CCDC91: variants seen among roughly 807,000 people sequenced by gnomAD.
CCDC91 encodes coiled-coil domain containing 91.
Under a neutral mutation model 63.2 loss-of-function variants are expected in CCDC91, and 48 were observed. The ratio of observed to expected loss-of-function variants is 0.76; its 90% confidence interval spans 0.60 to 0.97. The LOEUF (loss-of-function observed/expected upper bound fraction) is 0.97. Among genes scored for constraint, CCDC91 ranks in the 50% least tolerant of loss-of-function variants. CCDC91 has a pLI of 0.00. For synonymous variants in CCDC91, 167 were observed against 165.8 expected, an observed-to-expected ratio of 1.01 and a Z score of -0.06; for missense variants, 500 against 494.6, an observed-to-expected ratio of 1.01 and a Z score of -0.10.
chr12:28,252,285 C>A (rs1168273597), intron 1 of CCDC91, among the ~76,000 whole-genome samples: 2 of 151,730 alleles, frequency 1.3e-5, no homozygotes. Context: ...AGTTGATATA[C>A]CCATTACTGG....
chr12:28,345,881 C>T (rs534350566), intron 6 of CCDC91, among the ~76,000 whole-genome samples: 9 of 152,186 alleles, frequency 5.9e-5, no homozygotes, highest in African/African-American at 1.2e-4. Context: ...TCAGTCTTTA[C>T]AGTATAATGG....
chr12:28,201,353 T>G, intron 1 of CCDC91, among the ~76,000 whole-genome samples: 1 of 134,308 alleles, frequency 7.4e-6, no homozygotes, highest in African/African-American at 2.8e-5. Context: ...CCAGACGGGG[T>G]CGCGGCCAGG....
chr12:28,418,622 T>C (rs762415297), intron 8 of CCDC91, among the ~76,000 whole-genome samples: 6 of 152,124 alleles, frequency 3.9e-5, no homozygotes, highest in Non-Finnish European at 8.8e-5. Context: ...ATTATTATTA[T>C]GTTAATGGCA....
At chr12:28,422,305 C>G (rs1948062087) in intron 8 of CCDC91, among the ~76,000 whole-genome samples, 1 of 151,856 alleles carries the variant, frequency 6.6e-6, no homozygotes, top group African/African-American at 2.4e-5. Context: ...CCTTTTCATA[C>G]TAATATTTAT....
At position 28,375,719 on chromosome 12, in the gene CCDC91, T is replaced by G. The variant is rs79758339; in HGVS notation, c.654+13204T>G. Among the ~76,000 whole-genome samples, 1,399 of 152,048 alleles carry G rather than the reference T, an allele frequency of 9.2e-3. 25 individuals are homozygous for G. Among genetic ancestry groups the G allele is most frequent in the African/African-American group, 0.032 (1,329 of 41,532 alleles). On this transcript the variant is annotated intron_variant, in intron 7 of 12. Coordinates refer to ENST00000536442, the MANE Select transcript of CCDC91 (RefSeq NM_018318.5). ...CATAGGCACATGCCACATCGAAGAT[T>G]GTTTACTGCAAGCAACATAAGAATT...
At chr12:28,244,228 T>G (rs554093430) in intron 1 of CCDC91, among the ~76,000 whole-genome samples, 1 of 152,250 alleles carries the variant, frequency 6.6e-6, no homozygotes, top group African/African-American at 2.4e-5. Flanking sequence ...ATGATAAGAA[T>G]GCTTAGCAAA....
intron 11 of CCDC91, among the ~76,000 whole-genome samples, chr12:28,478,637 C>T (rs1951257638): frequency 6.6e-6 from 1 of 152,174 alleles, no homozygotes; most frequent in Admixed American, 6.6e-5. Context: ...TAAAGAGCTT[C>T]TGCACAGCAA....
intron 12 of CCDC91, among the ~76,000 whole-genome samples, chr12:28,543,859 A>G (rs1399456118): frequency 6.6e-6 from 1 of 151,814 alleles, no homozygotes; most frequent in Non-Finnish European, 1.5e-5. Context: ...ATCGCCTTTT[A>G]TTTCTCTTTT....
intron 12 of CCDC91, among the ~76,000 whole-genome samples, chr12:28,498,151 C>T (rs1316998019): frequency 6.6e-6 from 1 of 151,628 alleles, no homozygotes; most frequent in Non-Finnish European, 1.5e-5. Flanking sequence ...GTAAAAATCT[C>T]TTTCACTTCC....
intron 3 of CCDC91, among the ~76,000 whole-genome samples, chr12:28,286,855 C>T (rs1948943820): frequency 6.6e-6 from 1 of 152,174 alleles, no homozygotes; most frequent in Non-Finnish European, 1.5e-5. Flanking sequence ...TTCTATTTCT[C>T]TGCAACCTAG....
intron 6 of CCDC91, among the ~76,000 whole-genome samples, chr12:28,325,691 C>T (rs1299847767): frequency 1.3e-5 from 2 of 151,400 alleles, no homozygotes; most frequent in Non-Finnish European, 2.9e-5. Context: ...TAAGAAACAG[C>T]CAAGGAAAAT....
At chr12:28,414,594 G>A (rs1473356029) in intron 8 of CCDC91, among the ~76,000 whole-genome samples, 1 of 152,146 alleles carries the variant, frequency 6.6e-6, no homozygotes, top group Non-Finnish European at 1.5e-5. Flanking sequence ...TGTGTCACAT[G>A]ATTCTTTTCT....
chr12:28,543,658 A>C (rs1358965696), intron 12 of CCDC91, among the ~76,000 whole-genome samples: 1 of 151,956 alleles, frequency 6.6e-6, no homozygotes, highest in African/African-American at 2.4e-5. Context: ...TTCTATATGG[A>C]GATGACGTCC....
intron 12 of CCDC91, among the ~76,000 whole-genome samples, chr12:28,537,238 G>A (rs941217011): frequency 1.1e-4 from 17 of 152,106 alleles, no homozygotes; most frequent in African/African-American, 4.1e-4. Context: ...AAAAAAGGAG[G>A]AGGCACTTGC....
chr12:28,339,919 G>A (rs1006283911), intron 6 of CCDC91, among the ~76,000 whole-genome samples: 1 of 152,116 alleles, frequency 6.6e-6, no homozygotes, highest in African/African-American at 2.4e-5. Flanking sequence ...ATCTGTAATA[G>A]TTATTGTGAG....
chr12:28,238,370 C>T (rs765912709), intron 1 of CCDC91, among the ~76,000 whole-genome samples: 1 of 152,100 alleles, frequency 6.6e-6, no homozygotes, highest in Non-Finnish European at 1.5e-5. Context: ...CTTCAGCCCC[C>T]ACCTTTAATG....
At chr12:28,498,105 C>T (rs1266310669) in intron 12 of CCDC91, among the ~76,000 whole-genome samples, 1 of 151,652 alleles carries the variant, frequency 6.6e-6, no homozygotes, top group Non-Finnish European at 1.5e-5. Flanking sequence ...AACAACTTTA[C>T]ATATACCTTT....
At chr12:28,266,133 A>T (rs1178122694) in intron 3 of CCDC91, among the ~76,000 whole-genome samples, 1 of 152,060 alleles carries the variant, frequency 6.6e-6, no homozygotes, top group Non-Finnish European at 1.5e-5. Context: ...TACTGTACAT[A>T]TAAATACTAG....
intron 12 of CCDC91, among the ~76,000 whole-genome samples, chr12:28,492,009 C>T (rs1436283669): frequency 6.6e-6 from 1 of 150,806 alleles, no homozygotes; most frequent in Non-Finnish European, 1.5e-5. Flanking sequence ...TATTTGTGAG[C>T]CGTTTATTAA....
Sources: allele counts gnomAD v4.1 joint callset (sites outside exome capture counted in the v4.1 genomes callset), GRCh38; gene constraint gnomAD v4.1.1; transcripts MANE v1.5; gene names NCBI Gene and HGNC (gene_info 2026-07-23, HGNC 2026-07-21).